Variants in ACCSL observed in about 807,000 individuals in gnomAD.
The protein encoded by ACCSL is probable inactive 1-aminocyclopropane-1-carboxylate synthase-like protein 2.
A neutral mutation model predicts 61.7 loss-of-function variants in ACCSL; 55 were observed. The ratio of observed to expected loss-of-function variants is 0.89; its 90% CI spans 0.72 to 1.12. ACCSL has a LOEUF of 1.12. ACCSL is among the 50% of genes most tolerant of loss of function. The probability of loss-of-function intolerance (pLI) is 0.00; values close to 1 mark genes in which losing one functional copy is unlikely to be tolerated. For missense variants in ACCSL, 632 were observed against 698.0 expected, an observed-to-expected ratio of 0.91 and a Z score of 1.07; for synonymous variants, 258 against 264.3, an observed-to-expected ratio of 0.98 and a Z score of 0.23.
At chr11:43,985,288 TGTTA>T in the ACCSL span, among the ~76,000 whole-genome samples, 11 of 152,100 alleles carry the variant, frequency 7.2e-5, no homozygotes, top group African/African-American at 2.2e-4. Flanking sequence ...TGAGAGGTGA[TGTTA>T]GTTAATGATT....
chr11:43,933,918 TGCA>T, the ACCSL span, among the ~76,000 whole-genome samples: 1 of 152,194 alleles, frequency 6.6e-6, no homozygotes, highest in Non-Finnish European at 1.5e-5. Context: ...TGGCAGCCGC[TGCA>T]GCTGGTATCC....
At chr11:44,019,575 T>C in the ACCSL span, among the ~76,000 whole-genome samples, 3 of 152,340 alleles carry the variant, frequency 2.0e-5, no homozygotes, top group South Asian at 6.2e-4. Context: ...TCCAATCATT[T>C]GCCCATTTAA....
intron 8 of ACCSL, 62 bp from the exon 9 acceptor site, chr11:44,055,140 T>C (rs1378068584): frequency 5.8e-6 from 7 of 1,202,664 alleles, no homozygotes; most frequent in Non-Finnish European, 8.4e-6. Context: ...GTAAAAAGCA[T>C]GCAAAGAAAA....
chr11:43,931,425 A>G, the ACCSL span, among the ~76,000 whole-genome samples: 3 of 152,128 alleles, frequency 2.0e-5, no homozygotes, highest in Non-Finnish European at 2.9e-5. Context: ...AGGCCCAGCT[A>G]GCTCCCTCTT....
chr11:44,000,525 C>A, the ACCSL span, among the ~76,000 whole-genome samples: 284 of 108,510 alleles, frequency 2.6e-3, no homozygotes, highest in Middle Eastern at 0.01. Context: ...GACTCTGTCT[C>A]AAAAAAAAAA....
chr11:43,958,629 C>G, the ACCSL span, among the ~76,000 whole-genome samples: 1 of 152,228 alleles, frequency 6.6e-6, no homozygotes, highest in Non-Finnish European at 1.5e-5. Flanking sequence ...GGCAGTTACA[C>G]ATTCAGTCTA....
At chr11:43,979,318 C>G in the ACCSL span, among the ~76,000 whole-genome samples, 6 of 151,952 alleles carry the variant, frequency 3.9e-5, no homozygotes, top group African/African-American at 1.5e-4. Flanking sequence ...GGTGATGCAG[C>G]AAGACCCTGT....
chr11:43,978,904 T>C, the ACCSL span, among the ~76,000 whole-genome samples: 7 of 151,586 alleles, frequency 4.6e-5, no homozygotes, highest in Non-Finnish European at 7.4e-5. Context: ...TTTCATTTTT[T>C]AATTACTTGG....
rs751470079 is a variant in ACCSL at position 44,058,653 on chromosome 11, C to A, written c.1578C>A (p.Gly526=). 1.8e-5 allele frequency: 29 copies of A among 1,614,052 alleles called. No individual in the cohort carries two copies. Among genetic ancestry groups the A allele is most frequent in the Non-Finnish European group, 2.4e-5 (28 of 1,179,932 alleles). ...RGKTYMCKEP[G]WFCLIFADEL... ...AAACCTACATGTGTAAGGAGCCAGG[C>A]TGGTTCTGCCTCATCTTTGCAGATG... The change falls in exon 13 of 14, where the codon GGC becomes GGA. Residue 526 remains glycine, a synonymous_variant. Transcript: ENST00000378832.
rs9651615 is a variant in ACCSL at position 44,049,873 on chromosome 11, C to T, written c.505-189C>T. 0.014 allele frequency: 9,583 copies of T among 682,738 alleles called. 679 individuals are homozygous for T. In the African/African-American group the frequency reaches 0.15, roughly 11 times the overall value. 42.3% of individuals were successfully genotyped at this position (682,738 alleles called of 1,614,324 possible). ...GATAGGACATAACTTATTTATGTGG[C>T]TCTAATGGGGAAATTTGCAAGCTGT... On this transcript the variant is annotated intron_variant, in intron 1 of 13. Coordinates refer to ENST00000378832, the MANE Select transcript of ACCSL (RefSeq NM_001031854.2).
the ACCSL span, among the ~76,000 whole-genome samples, chr11:44,041,001 G>T: frequency 6.6e-6 from 1 of 152,172 alleles, no homozygotes; most frequent in African/African-American, 2.4e-5. Context: ...CCTGTAAAGT[G>T]AGTCTAATGA....
chr11:43,956,007 G>A, the ACCSL span, among the ~76,000 whole-genome samples: 2 of 150,682 alleles, frequency 1.3e-5, no homozygotes, highest in Non-Finnish European at 2.9e-5. Context: ...AGCAATGAAT[G>A]ATTCATGAAT....
In ACCSL at chr11:44,058,618, T is replaced by C; in HGVS notation, c.1543T>C (p.Ser515Pro). 6.2e-7 allele frequency: 1 copy of C among 1,614,114 alleles called. No individual in the cohort carries two copies. ...CTTCCTGGACAACAAGCTATTGTTA[T>C]CCCGTGGCAAAACCTACATGTGTAA... is the stretch of plus-strand genomic sequence containing the variant. Reference protein sequence around the residue: ...CRFLDNKLLLSRGKTYMCKEP... With the variant: ...CRFLDNKLLLPRGKTYMCKEP... Residue 515 changes from serine to proline, a missense_variant, in exon 13 of 14, where the codon TCC becomes CCC. Ser to Pro is a moderately conservative substitution (Grantham distance 74). Transcript: ENST00000378832.
At chr11:44,029,426 G>A in the ACCSL span, among the ~76,000 whole-genome samples, 1 of 152,242 alleles carries the variant, frequency 6.6e-6, no homozygotes, top group Non-Finnish European at 1.5e-5. Flanking sequence ...CCTTATCAGA[G>A]AGGCTTTCTC....
At chr11:43,927,357 A>AG in the ACCSL span, among the ~76,000 whole-genome samples, 2 of 152,210 alleles carry the variant, frequency 1.3e-5, no homozygotes, top group Non-Finnish European at 1.5e-5. Flanking sequence ...GGAGGTAGGG[A>AG]GCCCATTCGG....
At chr11:44,056,118 A>G in intron 10 of ACCSL, 33 bp downstream of exon 10, 1 of 1,614,152 alleles carries the variant, frequency 6.2e-7, no homozygotes, top group Non-Finnish European at 8.5e-7. Context: ...TGGCTAGGGA[A>G]GGAGGAGGAG....
chr11:44,049,377 G>C (rs562881694), intron 1 of ACCSL, among the ~76,000 whole-genome samples: 3 of 128,970 alleles, frequency 2.3e-5, no homozygotes, highest in South Asian at 2.6e-4. Flanking sequence ...CTGAGATCGC[G>C]CCACTGCACT....
At chr11:43,993,671 C>T in the ACCSL span, among the ~76,000 whole-genome samples, 6,309 of 151,898 alleles carry the variant, frequency 0.042, 355 homozygotes, top group African/African-American at 0.13. Context: ...GCCAGAACAA[C>T]GAGCATCCTG....
chr11:43,964,069 A>AT, the ACCSL span, among the ~76,000 whole-genome samples: 1 of 98,428 alleles, frequency 1.0e-5, no homozygotes, highest in Non-Finnish European at 2.2e-5. Context: ...ATCTGAAAAT[A>AT]TTAAAAAAAA....
Sources: allele counts gnomAD v4.1 joint callset (sites outside exome capture counted in the v4.1 genomes callset), GRCh38; gene constraint gnomAD v4.1.1; transcripts MANE v1.5; gene names NCBI Gene and HGNC (gene_info 2026-07-23, HGNC 2026-07-21).